ELAPOR2: variants seen among roughly 807,000 people sequenced by gnomAD.
ELAPOR2 encodes the protein endosome/lysosome-associated apoptosis and autophagy regulator family member 2.
Under a neutral mutation model 120.7 loss-of-function variants are expected in ELAPOR2, and 89 were observed. That is an observed-to-expected ratio of 0.74 (90% CI 0.62 to 0.88). The LOEUF is 0.88. Among genes scored for constraint, ELAPOR2 ranks in the 40% least tolerant of loss-of-function variants. The pLI is 0.00. For missense variants in ELAPOR2, 1,134 were observed against 1,251.6 expected, an observed-to-expected ratio of 0.91 and a Z score of 1.42; for synonymous variants, 444 against 444.9, an observed-to-expected ratio of 1.00 and a Z score of 0.03.
rs377523270 is a variant in ELAPOR2, at chr7:87,052,510, T to A, written c.189+6815A>T. Among the ~76,000 whole-genome samples, 24 of 152,324 alleles carry A rather than the reference T, an allele frequency of 1.6e-4. No individual in the cohort carries two copies. In the South Asian group the frequency reaches 5.0e-3, roughly 32 times the overall value. On this transcript the variant is annotated intron_variant, in intron 1 of 21. Coordinates refer to ENST00000450689, the MANE Select transcript of ELAPOR2 (RefSeq NM_001142749.3). ...ACCATATCAATTCCTTTCTTTATAC[T>A]GAGCGCAATGGTTCTTGCTGGGCTT...
chr7:87,019,758 C>T (rs759297102), intron 1 of ELAPOR2, among the ~76,000 whole-genome samples: 1 of 152,140 alleles, frequency 6.6e-6, no homozygotes, highest in Non-Finnish European at 1.5e-5. Context: ...TAAAAGTACA[C>T]ACTTATTGAC....
intron 2 of ELAPOR2, among the ~76,000 whole-genome samples, chr7:86,951,462 C>T (rs1396276779): frequency 6.6e-6 from 1 of 152,216 alleles, no homozygotes; most frequent in African/African-American, 2.4e-5. Context: ...TTGGAATGTT[C>T]ACTGCCCTGT....
Position 86,913,067 on chromosome 7 carries a change from T to C in ELAPOR2, c.1869A>G (p.Pro623=). Residue 623 remains proline, a synonymous_variant, in exon 14 of 22, where the codon CCA becomes CCG. Transcript: ENST00000450689. ...TGGTTTCTTTCTCAATGTAGTGGCC[T>C]GGAGGGCAGGGGACACACGATGAAC... The part of the protein sequence containing the change: ...QSGSSCVPCP[P]GHYIEKETNQ... The C allele has an allele frequency of 4.3e-6, 7 of 1,614,060 alleles. No homozygotes were observed. The highest frequency in any genetic ancestry group is 5.9e-6 in the Non-Finnish European group (7 of 1,179,984).
intron 1 of ELAPOR2, among the ~76,000 whole-genome samples, chr7:86,991,770 A>G (rs753509342): frequency 5.5e-4 from 84 of 152,212 alleles, no homozygotes; most frequent in Non-Finnish European, 1.0e-3. Context: ...CTCAGCATCC[A>G]AGGTGGCTGC....
intron 1 of ELAPOR2, among the ~76,000 whole-genome samples, chr7:86,992,661 A>G (rs1792982927): frequency 6.6e-6 from 1 of 152,230 alleles, no homozygotes; most frequent in Non-Finnish European, 1.5e-5. Context: ...AGGAAAAAGC[A>G]ACTTTAACTA....
intron 1 of ELAPOR2, among the ~76,000 whole-genome samples, chr7:86,968,123 T>C (rs1040980173): frequency 3.9e-5 from 6 of 152,208 alleles, no homozygotes; most frequent in Admixed American, 2.0e-4. Context: ...AGGTACGATG[T>C]ATATTTTCCA....
intron 1 of ELAPOR2, among the ~76,000 whole-genome samples, chr7:87,042,028 T>C (rs1794804619): frequency 6.6e-6 from 1 of 150,790 alleles, no homozygotes; most frequent in South Asian, 2.1e-4. Flanking sequence ...CATTACATAA[T>C]GGTAAAGGGA....
At chr7:87,037,235 T>C (rs1269848319) in intron 1 of ELAPOR2, among the ~76,000 whole-genome samples, 5 of 152,094 alleles carry the variant, frequency 3.3e-5, no homozygotes, top group African/African-American at 9.7e-5. Flanking sequence ...GGCTCCCAAG[T>C]TGTCTCTCAG....
chr7:86,967,298 A>G (rs1404079642), intron 1 of ELAPOR2, among the ~76,000 whole-genome samples: 1 of 152,052 alleles, frequency 6.6e-6, no homozygotes, highest in Non-Finnish European at 1.5e-5. Flanking sequence ...TGTCTCTACT[A>G]AAAGTACAAA....
In ELAPOR2 at chr7:87,036,649, G is replaced by T. The variant is rs77557680; in HGVS notation, c.189+22676C>A. On this transcript the variant is annotated intron_variant, in intron 1 of 21. Coordinates refer to ENST00000450689, the MANE Select transcript of ELAPOR2 (RefSeq NM_001142749.3). The stretch of plus-strand genomic sequence containing the variant: ...ATTTTGCATAAACATGGATGTAGCT[G>T]GAGGCTATTTTCCTAAGCAAAGTAA... Among the ~76,000 whole-genome samples the T allele has an allele frequency of 5.3e-5, 8 of 152,288 alleles. No homozygotes were observed. The East Asian group carries it at 1.3e-3, about 26-fold the overall frequency.
At chr7:86,899,330 A>T (rs1466467460) in intron 18 of ELAPOR2, among the ~76,000 whole-genome samples, 10 of 152,156 alleles carry the variant, frequency 6.6e-5, no homozygotes, top group Non-Finnish European at 1.5e-4. Flanking sequence ...TTAAAACTAG[A>T]GGAATTTAAA....
At chr7:86,916,361 A>G (rs1000235592) in intron 12 of ELAPOR2, among the ~76,000 whole-genome samples, 6 of 152,234 alleles carry the variant, frequency 3.9e-5, no homozygotes, top group Non-Finnish European at 2.9e-5. Flanking sequence ...TTCATCAGAC[A>G]AAACAGCAAA....
intron 18 of ELAPOR2, among the ~76,000 whole-genome samples, chr7:86,902,440 T>G (rs532527518): frequency 6.6e-6 from 1 of 152,258 alleles, no homozygotes; most frequent in Non-Finnish European, 1.5e-5. Context: ...CCTCCCAGAT[T>G]GCTGGGATTA....
At chr7:86,928,088 T>C (rs1790156196) in intron 8 of ELAPOR2, among the ~76,000 whole-genome samples, 1 of 151,990 alleles carries the variant, frequency 6.6e-6, no homozygotes, top group Non-Finnish European at 1.5e-5. Flanking sequence ...TAAAGGTAAA[T>C]GTCTCAAAAT....
intron 1 of ELAPOR2, among the ~76,000 whole-genome samples, chr7:87,018,261 G>C (rs572502288): frequency 6.6e-6 from 1 of 151,790 alleles, no homozygotes; most frequent in Non-Finnish European, 1.5e-5. Flanking sequence ...GGCTGTTCTC[G>C]AACTCCTGAC....
chr7:86,914,891 TA>T (rs1789492993), intron 12 of ELAPOR2, 31 bp from the exon 13 acceptor site: 3 of 1,559,906 alleles, frequency 1.9e-6, no homozygotes, highest in Non-Finnish European at 8.8e-7. Flanking sequence ...TATATTCAAA[TA>T]AAGCACAAAC....
At chr7:87,054,831 C>A (rs944494402) in intron 1 of ELAPOR2, among the ~76,000 whole-genome samples, 1 of 152,170 alleles carries the variant, frequency 6.6e-6, no homozygotes, top group Non-Finnish European at 1.5e-5. Flanking sequence ...AGAATTCAAT[C>A]TTCTCTCTTC....
chr7:86,975,517 G>C (rs993877508), intron 1 of ELAPOR2, among the ~76,000 whole-genome samples: 2 of 152,048 alleles, frequency 1.3e-5, no homozygotes, highest in African/African-American at 4.8e-5. Context: ...CTATTAAAAG[G>C]TTTTCTTCTT....
Position 86,947,904 on chromosome 7 carries a change from C to T in ELAPOR2, c.329G>A (p.Gly110Glu). Reference protein sequence around the residue: ...GKECTFSCASGEYLEMKNQVC... With the variant: ...GKECTFSCASEEYLEMKNQVC... ...CTGGTTCTTCATTTCTAGATACTCT[C>T]CAGAAGCACAGGAGAAAGCTGGAAG... The change falls in exon 3 of 22, where the codon GGA becomes GAA. Residue 110 changes from glycine (G) to glutamate (E), a missense_variant. By Grantham distance (98) the Gly-to-Glu change is moderately conservative (BLOSUM62 -2). Around this residue, in one of 3 missense-constraint regions of ELAPOR2, gnomAD observed 280 missense variants for 331.5 expected, o/e 0.84. Transcript: ENST00000450689. 1.3e-6 allele frequency: 2 copies of T among 1,551,656 alleles called. No homozygotes were observed. Among genetic ancestry groups the T allele is most frequent in the Non-Finnish European group, 1.7e-6 (2 of 1,146,676 alleles).
Sources: allele counts gnomAD v4.1 joint callset (sites outside exome capture counted in the v4.1 genomes callset), GRCh38; gene constraint gnomAD v4.1.1; regional missense constraint gnomAD v4.1.1; transcripts MANE v1.5; gene names NCBI Gene and HGNC (gene_info 2026-07-23, HGNC 2026-07-21).